The following CERKL variants were observed in gnomAD, a reference collection of about 807,000 sequenced individuals.
CERKL encodes CERK like autophagy regulator.
Under a neutral mutation model 63.4 loss-of-function variants are expected in CERKL, and 61 were observed. The ratio of observed to expected loss-of-function variants is 0.96; its 90% confidence interval spans 0.78 to 1.19. The LOEUF (loss-of-function observed/expected upper bound fraction) is 1.19. CERKL is among the 50% of genes most tolerant of loss of function. The probability of loss-of-function intolerance (pLI) is 0.00; values close to 1 mark genes in which losing one functional copy is unlikely to be tolerated. For missense variants in CERKL, 675 were observed against 655.5 expected, an observed-to-expected ratio of 1.03 and a Z score of -0.33; for synonymous variants, 250 against 230.5, an observed-to-expected ratio of 1.08 and a Z score of -0.77.
intron 4 of CERKL, among the ~76,000 whole-genome samples, chr2:181,559,827 C>T (rs905738921): frequency 4.6e-5 from 7 of 152,144 alleles, no homozygotes; most frequent in African/African-American, 1.4e-4. Flanking sequence ...ATCTTTCTCT[C>T]GGCCATCTAT....
chr2:181,573,798 CCT>C lies in CERKL; in HGVS notation c.566_567del (p.Lys189SerfsTer2), dbSNP rs1689010381. ...CCTGCAAGCTTCAACAGAGGTTCAACCTTCTCATAATAAACCTGGGTAGCTTC... is the reference window on the plus strand; with the variant it reads ...CCTGCAAGCTTCAACAGAGGTTCAACTCTCATAATAAACCTGGGTAGCTTC... Reference protein sequence around the residue: ...KKEATQVYYEKVEPLLKLAGI... With the variant: ...KKEATQVYYEXVEPLLKLAGI... On this transcript the variant is annotated frameshift_variant, in exon 3 of 13. Coordinates refer to ENST00000410087, the MANE Select transcript of CERKL (RefSeq NM_201548.5). LOFTEE classifies it high-confidence loss of function. 11 of 1,612,262 alleles carry C rather than the reference CCT, an allele frequency of 6.8e-6. No homozygotes were observed. Among genetic ancestry groups the C allele is most frequent in the Non-Finnish European group, 9.3e-6 (11 of 1,178,814 alleles).
At chr2:181,575,899 T>C (rs1347430136) in intron 2 of CERKL, among the ~76,000 whole-genome samples, 1 of 152,174 alleles carries the variant, frequency 6.6e-6, no homozygotes, top group East Asian at 1.9e-4. Flanking sequence ...ACTTCCTCAG[T>C]GAAGCCTTTC....
chr2:181,562,891 A>C (rs982946758), intron 4 of CERKL, among the ~76,000 whole-genome samples: 6 of 152,112 alleles, frequency 3.9e-5, no homozygotes, highest in Non-Finnish European at 7.4e-5. Context: ...GATATGTTCA[A>C]TCTGATAAAA....
chr2:181,656,538 G>A (rs916810079), intron 1 of CERKL, among the ~76,000 whole-genome samples: 1 of 152,082 alleles, frequency 6.6e-6, no homozygotes, highest in African/African-American at 2.4e-5. Context: ...AGGCTAGGTA[G>A]CGAAAGAATC....
intron 2 of CERKL, among the ~76,000 whole-genome samples, chr2:181,577,252 T>C (rs1317501654): frequency 6.6e-6 from 1 of 152,116 alleles, no homozygotes; most frequent in Admixed American, 6.5e-5. Flanking sequence ...GAGAGTAAGA[T>C]AGAGTTTAAG....
In CERKL at chr2:181,537,321, A is replaced by G. The variant is rs1015561218; in HGVS notation, c.*863T>C. 6.6e-6 allele frequency: 3 copies of G among 453,488 alleles called. No individual in the cohort carries two copies. The highest frequency in any genetic ancestry group is 2.4e-5 in the Admixed American group (1 of 42,514). The allele number at this position is 453,488 out of a possible 1,614,324, so 28.1% of individuals were successfully genotyped here. A position where few individuals can be genotyped will look rare whatever the true frequency, so the allele number is the denominator to read the frequency against. The stretch of plus-strand genomic sequence containing the variant: ...CAGGTTATCTGAGCACAGTGAAAGC[A>G]GAGTACTATGGTTGTCCAACACAGG... On this transcript the variant is annotated 3_prime_UTR_variant, in exon 13 of 13. Transcript: ENST00000410087.
intron 2 of CERKL, among the ~76,000 whole-genome samples, chr2:181,591,263 C>T (rs1684978816): frequency 6.6e-6 from 1 of 151,914 alleles, no homozygotes; most frequent in East Asian, 1.9e-4. Context: ...GAAACCAGTG[C>T]AATCGGTTAC....
intron 2 of CERKL, among the ~76,000 whole-genome samples, chr2:181,591,206 C>T (rs945666574): frequency 7.2e-5 from 11 of 151,974 alleles, no homozygotes; most frequent in Non-Finnish European, 1.5e-4. Flanking sequence ...AAAAAACATA[C>T]ATATATGAGG....
chr2:181,558,937 G>T lies in CERKL; in HGVS notation c.678-229C>A, dbSNP rs1688321783. Among the ~76,000 whole-genome samples the T allele has an allele frequency of 6.6e-6, 1 of 152,098 alleles. No individual in the cohort carries two copies. The highest frequency in any genetic ancestry group is 2.1e-4 in the South Asian group (1 of 4,824). On this transcript the variant is annotated intron_variant, in intron 4 of 12. Transcript: ENST00000410087. This position sits in a 1 kb window ranked among gnomAD's most constrained non-coding sequence, Gnocchi z 4.2. ...TAGATAATTCCCCATAGACAAAATA[G>T]CTTTAAGTGTGTTAAGAGATATGAA... is the stretch of plus-strand genomic sequence containing the variant.
At chr2:181,556,832 A>G (rs1372719147) in intron 5 of CERKL, among the ~76,000 whole-genome samples, 1 of 152,198 alleles carries the variant, frequency 6.6e-6, no homozygotes, top group African/African-American at 2.4e-5. Flanking sequence ...GTCTTCCACA[A>G]TGGTTGAACT....
chr2:181,597,225 G>C (rs1047303222), intron 2 of CERKL, among the ~76,000 whole-genome samples: 1 of 152,040 alleles, frequency 6.6e-6, no homozygotes, highest in Non-Finnish European at 1.5e-5. Context: ...TAATACCTAT[G>C]TTTTCATACA....
chr2:181,603,032 T>C, intron 2 of CERKL: 1 of 189,388 alleles, frequency 5.3e-6, no homozygotes, highest in Non-Finnish European at 1.2e-5. Flanking sequence ...GAAAATGTCA[T>C]TTAGAAATTT....
At chr2:181,639,898 TTCAG>T (rs1687346898) in intron 1 of CERKL, among the ~76,000 whole-genome samples, 1 of 152,208 alleles carries the variant, frequency 6.6e-6, no homozygotes, top group African/African-American at 2.4e-5. Flanking sequence ...GTTCACTATT[TTCAG>T]TCAAGCACTG....
intron 1 of CERKL, among the ~76,000 whole-genome samples, chr2:181,634,665 C>T (rs1393126640): frequency 3.9e-5 from 6 of 152,008 alleles, no homozygotes; most frequent in Non-Finnish European, 8.8e-5. Context: ...TCTGATTTAT[C>T]CAGTCTACTC....
chr2:181,547,867 A>T lies in CERKL; in HGVS notation c.1134-20T>A. ...GCCCTCCTAAAAGAAAGAAAACAAA[A>T]CAAAGACATAAAACAGATAACGCGC... On this transcript the variant is annotated intron_variant, in intron 8 of 12. Coordinates refer to ENST00000410087, the MANE Select transcript of CERKL (RefSeq NM_201548.5). 3 of 1,613,680 alleles carry T rather than the reference A, an allele frequency of 1.9e-6. No individual in the cohort carries two copies. Among genetic ancestry groups the T allele is most frequent in the Non-Finnish European group, 2.5e-6 (3 of 1,179,880 alleles).
intron 4 of CERKL, chr2:181,565,530 A>G (rs1688628566): frequency 6.6e-7 from 1 of 1,507,642 alleles, no homozygotes; most frequent in Admixed American, 1.7e-5. Context: ...ACATACCTAA[A>G]TTGTAGTCAC....
Position 181,621,087 on chromosome 2 carries a change from T to C in CERKL, c.239-17008A>G, listed in dbSNP as rs531545721. Among the ~76,000 whole-genome samples, 4 of 152,272 alleles carry C rather than the reference T, an allele frequency of 2.6e-5. No individual in the cohort carries two copies. The South Asian group carries it at 8.3e-4, about 32-fold the overall frequency. On this transcript the variant is annotated intron_variant, in intron 1 of 12. Transcript: ENST00000410087. ...CCTTTCATTTCCACAATTAAAAGAA[T>C]ATAGTTGACAAATATATTTGGTTTT...
At position 181,558,565 on chromosome 2, in the gene CERKL, C is replaced by A. The variant is rs772696039; in HGVS notation, c.820+1G>T. ...TAATGAATCTGTAGCCACTCCCTTG[C>A]CTGCTGGTATTAAGCCAAGTGGAAG... is the stretch of plus-strand genomic sequence containing the variant. On this transcript the variant is annotated splice_donor_variant, in intron 5 of 12. Coordinates refer to ENST00000410087, the MANE Select transcript of CERKL (RefSeq NM_201548.5). LOFTEE classifies it high-confidence loss of function. This position sits in a 1 kb window ranked among gnomAD's most constrained non-coding sequence, Gnocchi z 4.2. The A allele has an allele frequency of 1.2e-6, 2 of 1,613,270 alleles. No individual in the cohort carries two copies. The highest frequency in any genetic ancestry group is 2.2e-5 in the South Asian group (2 of 91,052).
At chr2:181,549,365 A>G (rs1458507822) in intron 6 of CERKL, among the ~76,000 whole-genome samples, 1 of 152,206 alleles carries the variant, frequency 6.6e-6, no homozygotes, top group Non-Finnish European at 1.5e-5. Flanking sequence ...ATCTGGTTAT[A>G]AAATTATAAT....
Sources: allele counts gnomAD v4.1 joint callset (sites outside exome capture counted in the v4.1 genomes callset), GRCh38; gene constraint gnomAD v4.1.1; non-coding constraint Gnocchi (gnomAD v3.1); transcripts MANE v1.5; gene names NCBI Gene and HGNC (gene_info 2026-07-23, HGNC 2026-07-21).